SORD: variants seen among roughly 807,000 people sequenced by gnomAD.
SORD encodes sorbitol dehydrogenase.
Under a neutral mutation model 35.6 loss-of-function variants are expected in SORD, and 18 were observed. The ratio of observed to expected loss-of-function variants is 0.51; its 90% CI spans 0.35 to 0.75. The LOEUF (loss-of-function observed/expected upper bound fraction) is 0.75. Among genes scored for constraint, SORD ranks in the 30% least tolerant of loss-of-function variants. The probability of loss-of-function intolerance (pLI) is 0.01; values close to 1 mark genes in which losing one functional copy is unlikely to be tolerated. For synonymous variants in SORD, 106 were observed against 152.9 expected (o/e 0.69, Z 2.26); for missense variants, 250 against 390.2 (o/e 0.64, Z 3.03).
intron 4 of SORD, among the ~76,000 whole-genome samples, chr15:45,064,671 G>A (rs1359700147): frequency 2.0e-5 from 3 of 152,204 alleles, no homozygotes; most frequent in Non-Finnish European, 4.4e-5. Flanking sequence ...GACTATCAGA[G>A]TGATGCCCAT....
intron 1 of SORD, among the ~76,000 whole-genome samples, chr15:45,037,301 C>T (rs1383948413): frequency 3.2e-4 from 48 of 152,226 alleles, no homozygotes; most frequent in Admixed American, 1.8e-3. Flanking sequence ...ACGAGCACAG[C>T]TGTTCAGCTC....
At position 45,023,324 on chromosome 15, in the gene SORD, T is replaced by C; in HGVS notation, c.41T>C (p.Val14Ala). The change falls in exon 1 of 9, where the codon GTG (valine) becomes GCG (alanine). Residue 14 changes from valine (V) to alanine (A), a missense_variant. By Grantham distance (64) the Val-to-Ala change is moderately conservative (BLOSUM62 0). This residue lies in a region of SORD where 43 missense variants were observed against 30.6 expected (regional missense o/e 1.40). Transcript: ENST00000267814. ...AAKPNNLSLV[V>A]HGPGDLRLEN... ...AAGCCCAACAACCTTTCCCTGGTGG[T>C]GCACGGACCGGGGGACTTGCGCCTG... The C allele has an allele frequency of 1.9e-6, 3 of 1,590,662 alleles. No individual in the cohort carries two copies. Among genetic ancestry groups the C allele is most frequent in the Non-Finnish European group, 2.6e-6 (3 of 1,169,796 alleles).
chr15:45,058,224 A>C (rs1015767599), intron 3 of SORD, among the ~76,000 whole-genome samples: 1 of 152,188 alleles, frequency 6.6e-6, no homozygotes, highest in African/African-American at 2.4e-5. Flanking sequence ...GGGGGCCTTC[A>C]GATAACACTG....
chr15:45,072,850 C>G (rs956203585), intron 8 of SORD, among the ~76,000 whole-genome samples: 5 of 141,874 alleles, frequency 3.5e-5, no homozygotes, highest in African/African-American at 1.2e-4. Flanking sequence ...CCCTGGGGAG[C>G]GAAAGGGTCT....
At position 45,063,308 on chromosome 15, in the gene SORD, C is replaced by G. The variant is rs368448692; in HGVS notation, c.426-1963C>G. ...CCTTGGCTTCTTGATCATCTGTTAC[C>G]CAATTTGGACTGTTCCCTGAACCCC... On this transcript the variant is annotated intron_variant, in intron 4 of 8. Transcript: ENST00000267814. Among the ~76,000 whole-genome samples the G allele has an allele frequency of 6.4e-4, 98 of 152,106 alleles. 1 individual carries two copies. In the East Asian group the frequency reaches 0.014, roughly 22 times the overall value.
intron 3 of SORD, among the ~76,000 whole-genome samples, chr15:45,046,592 T>A (rs1338393914): frequency 4.6e-5 from 7 of 152,238 alleles, no homozygotes; most frequent in African/African-American, 1.7e-4. Context: ...TGGGTCCTTT[T>A]CTTTCCTTAG....
chr15:45,059,584 C>T (rs1893269451), intron 3 of SORD, among the ~76,000 whole-genome samples: 1 of 152,178 alleles, frequency 6.6e-6, no homozygotes, highest in Admixed American at 6.5e-5. Flanking sequence ...GCCTCAACCT[C>T]TTGGGCTCAA....
In SORD at chr15:45,074,396, A is replaced by G. The variant is rs1380904230; in HGVS notation, c.*866A>G. On this transcript the variant is annotated 3_prime_UTR_variant, in exon 9 of 9. Coordinates refer to ENST00000267814, the MANE Select transcript of SORD (RefSeq NM_003104.6). ...TTGGTTAGCTCACAGGACTTCCCCC[A>G]CCCCAGAAGATTAGCATCCCATACT... The G allele has an allele frequency of 6.7e-6, 1 of 148,840 alleles. No homozygotes were observed. Among genetic ancestry groups the G allele is most frequent in the South Asian group, 2.1e-4 (1 of 4,752 alleles). The allele number at this position is 148,840 out of a possible 1,614,324, so 9.2% of individuals were successfully genotyped here.
At chr15:45,031,706 C>T (rs1359476396) in intron 1 of SORD, among the ~76,000 whole-genome samples, 2 of 151,634 alleles carry the variant, frequency 1.3e-5, no homozygotes, top group Non-Finnish European at 2.9e-5. Context: ...ATCCACCTGC[C>T]TCGGCCTCCC....
intron 1 of SORD, among the ~76,000 whole-genome samples, chr15:45,028,284 G>A (rs558370319): frequency 0.15 from 19,457 of 128,532 alleles, 14 homozygotes; most frequent in African/African-American, 0.42. Context: ...CCAAGATCAT[G>A]CCACTGCACT....
At chr15:45,041,223 T>C (rs998517219) in intron 2 of SORD, among the ~76,000 whole-genome samples, 15 of 152,238 alleles carry the variant, frequency 9.9e-5, no homozygotes, top group Admixed American at 2.0e-4. Context: ...TGTGAACATT[T>C]CCATCTCTTT....
chr15:45,026,842 C>T (rs1444621342), intron 1 of SORD, among the ~76,000 whole-genome samples: 1 of 151,858 alleles, frequency 6.6e-6, no homozygotes, highest in Non-Finnish European at 1.5e-5. Context: ...CAGCCAGCGT[C>T]TGGGGCAGTG....
At chr15:45,040,536 T>G (rs1163575549) in intron 2 of SORD, 95 bp downstream of exon 2, 2 of 955,398 alleles carry the variant, frequency 2.1e-6, no homozygotes, top group Non-Finnish European at 1.7e-6. Flanking sequence ...CTTTTCCAAC[T>G]GTTTATTACT....
chr15:45,028,054 G>A (rs182887147), intron 1 of SORD, among the ~76,000 whole-genome samples: 125 of 152,312 alleles, frequency 8.2e-4, no homozygotes, highest in African/African-American at 3.0e-3. Flanking sequence ...AGCCAGGCAC[G>A]GTGGCTCATG....
chr15:45,026,558 A>AG (rs1159124794), intron 1 of SORD, among the ~76,000 whole-genome samples: 1 of 152,166 alleles, frequency 6.6e-6, no homozygotes, highest in Non-Finnish European at 1.5e-5. Flanking sequence ...TTAGGTATAC[A>AG]GGGGGGCAGG....
At chr15:45,041,167 T>C (rs2141269605) in intron 2 of SORD, among the ~76,000 whole-genome samples, 1 of 152,302 alleles carries the variant, frequency 6.6e-6, no homozygotes, top group Middle Eastern at 3.4e-3. Flanking sequence ...AACTGAGTGC[T>C]ATGGTGAGGA....
Position 45,075,420 on chromosome 15 carries a change from G to T in SORD, c.*1890G>T, listed in dbSNP as rs1444286353. ...AGAGAGAAGGAAGCTGGGAGTGAGG[G>T]GCAGAGGCTCTACCAGAGAATGTCT... On this transcript the variant is annotated 3_prime_UTR_variant, in exon 9 of 9. Transcript: ENST00000267814. 1 of 131,386 alleles carries T rather than the reference G, an allele frequency of 7.6e-6. No homozygotes were observed. The highest frequency in any genetic ancestry group is 1.5e-5 in the Non-Finnish European group (1 of 66,862). 8.1% of individuals were successfully genotyped at this position (131,386 alleles called of 1,614,324 possible).
intron 6 of SORD, 130 bp downstream of exon 6, chr15:45,068,376 A>C: frequency 1.4e-6 from 1 of 724,878 alleles, no homozygotes; most frequent in East Asian, 2.6e-5. Context: ...GGATTGTGGA[A>C]ATATAGAAGA....
intron 3 of SORD, among the ~76,000 whole-genome samples, chr15:45,048,006 A>G (rs1352628324): frequency 1.3e-5 from 2 of 152,226 alleles, no homozygotes; most frequent in South Asian, 2.1e-4. Flanking sequence ...TTCTGCAAAC[A>G]TGGAGGCCAT....
Sources: allele counts gnomAD v4.1 joint callset (sites outside exome capture counted in the v4.1 genomes callset), GRCh38; gene constraint gnomAD v4.1.1; regional missense constraint gnomAD v4.1.1; transcripts MANE v1.5; gene names NCBI Gene and HGNC (gene_info 2026-07-23, HGNC 2026-07-21).